The following DISP1 variants were observed in gnomAD, a reference collection of about 807,000 sequenced individuals.
The protein encoded by DISP1 is protein dispatched homolog 1.
Under a neutral mutation model 37.3 loss-of-function variants are expected in DISP1, and 30 were observed. The observed-to-expected ratio is 0.80, with a 90% CI of 0.60 to 1.09. The LOEUF (loss-of-function observed/expected upper bound fraction) is 1.09. DISP1 is among the 50% of genes least tolerant of loss of function. The pLI is 0.00. For synonymous variants in DISP1, 634 were observed against 690.2 expected (o/e 0.92, Z 1.28); for missense variants, 1,598 against 1,879.5 (o/e 0.85, Z 2.77).
At chr1:222,985,483 C>T (rs570706594) in intron 4 of DISP1, among the ~76,000 whole-genome samples, 82 of 152,302 alleles carry the variant, frequency 5.4e-4, no homozygotes, top group African/African-American at 1.9e-3. Flanking sequence ...AACCCTGTCT[C>T]TACTAAAAAT....
At chr1:222,982,012 A>G (rs1270420570) in intron 3 of DISP1, among the ~76,000 whole-genome samples, 1 of 152,254 alleles carries the variant, frequency 6.6e-6, no homozygotes, top group Non-Finnish European at 1.5e-5. Flanking sequence ...ACTGACAAAT[A>G]TTAAATTATG....
intron 2 of DISP1, among the ~76,000 whole-genome samples, chr1:222,937,036 A>G (rs1268812934): frequency 2.4e-4 from 27 of 113,094 alleles, no homozygotes; most frequent in African/African-American, 8.4e-4. Flanking sequence ...TACATATTAT[A>G]TAATATATTA....
intron 4 of DISP1, chr1:222,989,403 C>T (rs1227691135): frequency 4.1e-6 from 4 of 985,242 alleles, no homozygotes; most frequent in East Asian, 1.1e-4. Flanking sequence ...TTTTAGAAAA[C>T]GTTCAGTTTA....
intron 2 of DISP1, among the ~76,000 whole-genome samples, chr1:222,934,357 T>C: frequency 6.6e-6 from 1 of 152,196 alleles, no homozygotes; most frequent in South Asian, 2.1e-4. Flanking sequence ...AGTGAGATGA[T>C]TAAAAAAAAT....
In DISP1 at chr1:222,873,705, T is replaced by C. The variant is rs527822920; in HGVS notation, c.-158-54725T>C. On this transcript the variant is annotated intron_variant, in intron 1 of 8. Coordinates refer to ENST00000675850, the MANE Select transcript of DISP1 (RefSeq NM_001377229.1). ...GATGGGTTTCCTGAATACAGCACAC[T>C]GATGGGTCTTGACTCTTTTCCAATT... Among the ~76,000 whole-genome samples the C allele has an allele frequency of 2.8e-4, 42 of 152,348 alleles. No individual in the cohort carries two copies. In the East Asian group the frequency reaches 7.7e-3, roughly 28 times the overall value.
chr1:222,867,891 C>G (rs970005141), intron 1 of DISP1, among the ~76,000 whole-genome samples: 1 of 152,116 alleles, frequency 6.6e-6, no homozygotes, highest in African/African-American at 2.4e-5. Flanking sequence ...TCTCTACTCC[C>G]TAATGCTTAG....
chr1:223,001,255 G>T (rs1299029208), intron 8 of DISP1, among the ~76,000 whole-genome samples: 2 of 152,094 alleles, frequency 1.3e-5, no homozygotes, highest in African/African-American at 4.8e-5. Flanking sequence ...ATGTGCAGCA[G>T]GTCCTCATTT....
intron 3 of DISP1, chr1:222,945,692 G>A (rs979908706): frequency 1.3e-5 from 2 of 152,116 alleles, no homozygotes; most frequent in Admixed American, 6.6e-5. Context: ...CCTTGGTTGT[G>A]GGGTCATTGT....
At chr1:222,945,841 G>GA (rs969063527) in intron 3 of DISP1, 2 of 152,078 alleles carry the variant, frequency 1.3e-5, no homozygotes, top group African/African-American at 4.8e-5. Flanking sequence ...CTGCCTTCTG[G>GA]AAAAATAGTA....
At chr1:223,000,476 A>G (rs1679355051) in intron 8 of DISP1, among the ~76,000 whole-genome samples, 1 of 152,204 alleles carries the variant, frequency 6.6e-6, no homozygotes, top group Admixed American at 6.5e-5. Context: ...CTTTAAAATG[A>G]AGGCTTTGTT....
chr1:222,871,992 C>T (rs1669613011), intron 1 of DISP1, among the ~76,000 whole-genome samples: 1 of 152,024 alleles, frequency 6.6e-6, no homozygotes, highest in African/African-American at 2.4e-5. Context: ...GAGTTTTTAG[C>T]ATGAAGGGTT....
At chr1:222,963,761 T>C (rs1013471068) in intron 3 of DISP1, among the ~76,000 whole-genome samples, 8 of 149,212 alleles carry the variant, frequency 5.4e-5, no homozygotes, top group Non-Finnish European at 1.0e-4. Flanking sequence ...CCAGGGCCTG[T>C]TGGGGGGTTG....
intron 8 of DISP1, among the ~76,000 whole-genome samples, 177 bp downstream of exon 8, chr1:222,995,159 C>T (rs1041960674): frequency 3.9e-5 from 6 of 152,148 alleles, no homozygotes; most frequent in Admixed American, 2.0e-4. Flanking sequence ...TCAAAGTGTC[C>T]GTGTTTCCTT....
intron 3 of DISP1, among the ~76,000 whole-genome samples, chr1:222,950,466 G>A (rs969489640): frequency 1.3e-5 from 2 of 152,002 alleles, no homozygotes; most frequent in Admixed American, 6.6e-5. Flanking sequence ...TGGGCGTGGT[G>A]GTGGGCACCT....
In DISP1 at chr1:222,893,051, A is replaced by C. The variant is rs554355092; in HGVS notation, c.-158-35379A>C. On this transcript the variant is annotated intron_variant, in intron 1 of 8. Coordinates refer to ENST00000675850, the MANE Select transcript of DISP1 (RefSeq NM_001377229.1). The surrounding 1 kb of genome is among the most constrained non-coding windows in gnomAD (Gnocchi z 4.3). ...AAATAATTTCTATTTGACATGTGTT[A>C]ATGTTTACTTCACTTGATGTTTTCT... Among the ~76,000 whole-genome samples, 1 of 152,306 alleles carries C rather than the reference A, an allele frequency of 6.6e-6. No individual in the cohort carries two copies. The highest frequency in any genetic ancestry group is 1.9e-4 in the East Asian group (1 of 5,188).
intron 2 of DISP1, among the ~76,000 whole-genome samples, chr1:222,933,367 G>C (rs1673520624): frequency 6.6e-6 from 1 of 151,830 alleles, no homozygotes; most frequent in Non-Finnish European, 1.5e-5. Flanking sequence ...ATCTAAAAAT[G>C]TTAGGCGTAT....
At chr1:222,824,883 C>T (rs1376386693) in intron 1 of DISP1, among the ~76,000 whole-genome samples, 2 of 152,116 alleles carry the variant, frequency 1.3e-5, no homozygotes, top group Admixed American at 1.3e-4. Context: ...TGCTTTACAA[C>T]CACAAGTTAT....
At chr1:222,840,777 T>C (rs1229664731) in intron 1 of DISP1, among the ~76,000 whole-genome samples, 1 of 152,056 alleles carries the variant, frequency 6.6e-6, no homozygotes, top group East Asian at 1.9e-4. Context: ...TTAGCTAGGA[T>C]GGTCTCAATC....
intron 3 of DISP1, among the ~76,000 whole-genome samples, chr1:222,982,022 G>T (rs919708885): frequency 6.6e-6 from 1 of 152,150 alleles, no homozygotes; most frequent in Admixed American, 6.5e-5. Context: ...ATTAAATTAT[G>T]AAACTCATTA....
Sources: allele counts gnomAD v4.1 joint callset (sites outside exome capture counted in the v4.1 genomes callset), GRCh38; gene constraint gnomAD v4.1.1; non-coding constraint Gnocchi (gnomAD v3.1); transcripts MANE v1.5; gene names NCBI Gene and HGNC (gene_info 2026-07-23, HGNC 2026-07-21).